The following NOP58 variants were observed in gnomAD, a reference collection of about 807,000 sequenced individuals.
The protein encoded by NOP58 is nucleolar protein 58.
Under a neutral mutation model 71.2 loss-of-function variants are expected in NOP58, and 44 were observed. The observed-to-expected ratio is 0.62, with a 90% CI of 0.49 to 0.79. The LOEUF is 0.79. Ranked by LOEUF, NOP58 falls within the 30% of genes least tolerant of loss-of-function variation. The pLI is 0.00. For missense variants in NOP58, 538 were observed against 620.2 expected (o/e 0.87, Z 1.41); for synonymous variants, 228 against 200.3 (o/e 1.14, Z -1.17).
intron 1 of NOP58, among the ~76,000 whole-genome samples, chr2:202,268,554 G>A (rs896075709): frequency 6.6e-6 from 1 of 151,306 alleles, no homozygotes; most frequent in Non-Finnish European, 1.5e-5. Flanking sequence ...AAATTATATT[G>A]GATGCATATA....
chr2:202,299,304 G>A (rs898718258), intron 12 of NOP58, among the ~76,000 whole-genome samples: 2 of 152,132 alleles, frequency 1.3e-5, no homozygotes, highest in Non-Finnish European at 2.9e-5. Flanking sequence ...GATGAGGAGA[G>A]TAATTAATAT....
intron 2 of NOP58, chr2:202,276,590 A>G: frequency 2.4e-6 from 1 of 411,430 alleles, no homozygotes. Context: ...CTGTAATCCC[A>G]GCATTTTGGG....
rs192333130 is a variant in NOP58 at position 202,302,231 on chromosome 2, G to A, written c.1403-690G>A. Among the ~76,000 whole-genome samples, 15 of 151,758 alleles carry A rather than the reference G, an allele frequency of 9.9e-5. No individual in the cohort carries two copies. In the South Asian group the frequency reaches 1.2e-3, roughly 13 times the overall value. On this transcript the variant is annotated intron_variant, in intron 13 of 14. Transcript: ENST00000264279. ...GCCTCCTGAATAACTGGGATTACAGGCATGCACCACCATGCCTAGCTAACT... is the reference window on the plus strand; with the variant it reads ...GCCTCCTGAATAACTGGGATTACAGACATGCACCACCATGCCTAGCTAACT...
intron 1 of NOP58, among the ~76,000 whole-genome samples, chr2:202,274,024 G>T (rs764131434): frequency 6.6e-6 from 1 of 151,804 alleles, no homozygotes; most frequent in African/African-American, 2.4e-5. Flanking sequence ...AAGTCTTGGA[G>T]AATATATACC....
intron 5 of NOP58, among the ~76,000 whole-genome samples, chr2:202,285,675 A>T (rs1202248895): frequency 6.6e-6 from 1 of 151,994 alleles, no homozygotes; most frequent in Non-Finnish European, 1.5e-5. Flanking sequence ...TAACCCTATC[A>T]TATTTCATTA....
intron 1 of NOP58, among the ~76,000 whole-genome samples, chr2:202,274,075 T>A (rs1390894324): frequency 3.9e-5 from 6 of 152,226 alleles, no homozygotes; most frequent in Admixed American, 3.9e-4. Context: ...GTACCCTATG[T>A]TTCTTTTGCA....
At chr2:202,270,925 T>G (rs1025555777) in intron 1 of NOP58, among the ~76,000 whole-genome samples, 5 of 151,642 alleles carry the variant, frequency 3.3e-5, no homozygotes, top group African/African-American at 1.2e-4. Flanking sequence ...CCGTCTCTAC[T>G]AAAAATACAA....
intron 5 of NOP58, 28 bp downstream of exon 5, chr2:202,284,509 C>T: frequency 6.2e-7 from 1 of 1,607,688 alleles, no homozygotes. Flanking sequence ...ATAAAGTCAA[C>T]TTACTTTTAT....
At chr2:202,278,088 A>G (rs886992962) in intron 3 of NOP58, 86 bp downstream of exon 3, 3 of 850,360 alleles carry the variant, frequency 3.5e-6, no homozygotes. Context: ...TGTTTGCTTC[A>G]GTTGCCTGTG....
At chr2:202,266,531 G>C (rs1688420197) in intron 1 of NOP58, among the ~76,000 whole-genome samples, 1 of 151,980 alleles carries the variant, frequency 6.6e-6, no homozygotes, top group South Asian at 2.1e-4. Context: ...GGCCAGGCTG[G>C]TCTTGAACTC....
intron 1 of NOP58, among the ~76,000 whole-genome samples, chr2:202,268,771 C>G (rs1343343866): frequency 1.3e-5 from 2 of 151,458 alleles, no homozygotes; most frequent in African/African-American, 4.8e-5. Flanking sequence ...ACCACCACGC[C>G]CAGCTAATTT....
At chr2:202,292,738 CATATG>C in intron 8 of NOP58, 34 bp from the exon 9 acceptor site, 1 of 1,544,484 alleles carries the variant, frequency 6.5e-7, no homozygotes, top group Non-Finnish European at 9.0e-7. Flanking sequence ...TGTTTTTACT[CATATG>C]ATATTTGTGA....
intron 12 of NOP58, among the ~76,000 whole-genome samples, chr2:202,298,931 C>CATAATTGA (rs1689041023): frequency 6.9e-6 from 1 of 145,124 alleles, no homozygotes; most frequent in Non-Finnish European, 1.5e-5. Flanking sequence ...ATTATACTTT[C>CATAATTGA]AGGAGTCATA....
At chr2:202,290,168 C>CTGG (rs1486880274) in intron 6 of NOP58, among the ~76,000 whole-genome samples, 155 bp from the exon 7 acceptor site, 1 of 152,078 alleles carries the variant, frequency 6.6e-6, no homozygotes, top group Non-Finnish European at 1.5e-5. Context: ...GTTGGCCAGG[C>CTGG]TGGTCTTGAA....
In NOP58 at chr2:202,297,926, G is replaced by T; in HGVS notation, c.1268+20G>T. ...CAAAAGGTGAGTACATTTAAGTGAG[G>T]ATGGGGTGAATAGTTTTTTTAAATG... On this transcript the variant is annotated intron_variant, in intron 12 of 14. Coordinates refer to ENST00000264279, the MANE Select transcript of NOP58 (RefSeq NM_015934.5). 1 of 1,462,134 alleles carries T rather than the reference G, an allele frequency of 6.8e-7. No individual in the cohort carries two copies. The highest frequency in any genetic ancestry group is 1.4e-5 in the African/African-American group (1 of 70,118). The allele number at this position is 1,462,134 out of a possible 1,614,324, so 90.6% of individuals were successfully genotyped here. A position where few individuals can be genotyped will look rare whatever the true frequency, so the allele number is the denominator to read the frequency against.
At chr2:202,273,199 T>C (rs1463669287) in intron 1 of NOP58, among the ~76,000 whole-genome samples, 1 of 152,208 alleles carries the variant, frequency 6.6e-6, no homozygotes, top group Non-Finnish European at 1.5e-5. Context: ...GGAAATGTGA[T>C]AAAATCAGGG....
At chr2:202,280,942 C>T (rs76524556) in intron 3 of NOP58, among the ~76,000 whole-genome samples, 5,979 of 151,446 alleles carry the variant, frequency 0.039, 420 homozygotes, top group African/African-American at 0.14. Flanking sequence ...CTAGGATGGT[C>T]GCATCTCCTG....
intron 4 of NOP58, among the ~76,000 whole-genome samples, chr2:202,283,832 TTTTAA>T (rs1211495057): frequency 6.6e-6 from 1 of 152,208 alleles, no homozygotes; most frequent in Non-Finnish European, 1.5e-5. Flanking sequence ...TTTTTATAGC[TTTTAA>T]TTTATATAGC....
Position 202,275,151 on chromosome 2 carries a change from A to G in NOP58, c.84A>G (p.Leu28=). ...AGAAACTTCAAGAGGTTGATAGTTT[A>G]TGGAAAGAATTTGAAACTCCAGAGA... ...NEKKLQEVDS[L]WKEFETPEKA... The change falls in exon 2 of 15, where the codon TTA becomes TTG. Residue 28 remains leucine, a synonymous_variant. Coordinates refer to ENST00000264279, the MANE Select transcript of NOP58 (RefSeq NM_015934.5). The G allele has an allele frequency of 6.4e-7, 1 of 1,571,660 alleles. No homozygotes were observed. The highest frequency in any genetic ancestry group is 8.7e-7 in the Non-Finnish European group (1 of 1,151,480).
Sources: gnomAD v4.1 joint callset for allele counts (sites outside exome capture counted in the v4.1 genomes callset) on GRCh38, gnomAD v4.1.1 for gene constraint, MANE v1.5 for transcripts, NCBI Gene and HGNC (gene_info 2026-07-23, HGNC 2026-07-21) for gene names.